OR3A3: variants seen among roughly 807,000 people sequenced by gnomAD.
OR3A3 encodes olfactory receptor 3A3.
For missense variants in OR3A3, 275 were observed against 391.4 expected, an observed-to-expected ratio of 0.70 and a Z score of 2.51; for synonymous variants, 103 against 163.9, an observed-to-expected ratio of 0.63 and a Z score of 2.84.
At chr17:3,412,675 G>A (rs539621834) in intron 2 of OR3A3, among the ~76,000 whole-genome samples, 57 of 151,460 alleles carry the variant, frequency 3.8e-4, no homozygotes, top group African/African-American at 1.3e-3. Flanking sequence ...ATCTCTAGCT[G>A]TCTGAGGGTT....
intron 2 of OR3A3, among the ~76,000 whole-genome samples, chr17:3,419,772 C>T (rs1425482493): frequency 3.9e-5 from 5 of 129,230 alleles, no homozygotes; most frequent in Non-Finnish European, 6.3e-5. Context: ...CTCACTCTGT[C>T]GCCCAGGCTG....
intron 2 of OR3A3, among the ~76,000 whole-genome samples, chr17:3,417,064 C>G (rs1567583461): frequency 1.3e-5 from 2 of 151,750 alleles, no homozygotes. Context: ...TTTATTTTCT[C>G]CCTGTCAATT....
exon 3 of OR3A3, chr17:3,421,515 G>A (rs756036475): frequency 1.3e-6 from 2 of 1,531,352 alleles, no homozygotes; most frequent in Non-Finnish European, 8.8e-7. Flanking sequence ...TACTTGTGGG[G>A]AAGCGATCAC....
intron 2 of OR3A3, among the ~76,000 whole-genome samples, chr17:3,417,406 T>G (rs1308363190): frequency 6.6e-6 from 1 of 152,172 alleles, no homozygotes; most frequent in African/African-American, 2.4e-5. Flanking sequence ...CCTCTTAACT[T>G]TATTAGATTT....
chr17:3,413,632 G>A (rs1277679757), intron 2 of OR3A3, among the ~76,000 whole-genome samples: 1 of 151,968 alleles, frequency 6.6e-6, no homozygotes, highest in Non-Finnish European at 1.5e-5. Context: ...GGTCAACATG[G>A]TGAAACCCTG....
intron 2 of OR3A3, among the ~76,000 whole-genome samples, chr17:3,414,914 TA>T (rs1426935905): frequency 9.8e-5 from 9 of 91,668 alleles, no homozygotes; most frequent in East Asian, 7.1e-4. Flanking sequence ...ATTAAAAAAA[TA>T]ATATAGGTAA....
intron 2 of OR3A3, among the ~76,000 whole-genome samples, chr17:3,412,942 C>T (rs527403689): frequency 6.6e-6 from 1 of 152,334 alleles, no homozygotes; most frequent in East Asian, 1.9e-4. Context: ...GGAAAGTCTT[C>T]CATGACAACT....
exon 3 of OR3A3, chr17:3,424,005 A>G (rs1169627796): frequency 6.6e-6 from 1 of 151,732 alleles, no homozygotes; most frequent in Non-Finnish European, 1.5e-5. Context: ...GATTTCCTAT[A>G]TATATGATAT....
At chr17:3,419,664 T>G (rs1006489970) in intron 2 of OR3A3, among the ~76,000 whole-genome samples, 2 of 151,970 alleles carry the variant, frequency 1.3e-5, no homozygotes, top group Non-Finnish European at 2.9e-5. Flanking sequence ...TAAAAATAAA[T>G]TATTAAAATG....
At chr17:3,412,994 C>T (rs1272213705) in intron 2 of OR3A3, among the ~76,000 whole-genome samples, 1 of 152,162 alleles carries the variant, frequency 6.6e-6, no homozygotes, top group Non-Finnish European at 1.5e-5. Flanking sequence ...ATTGTACGAA[C>T]GTTAGAACAA....
At chr17:3,422,539 G>A (rs2072441934) in exon 3 of OR3A3, 1 of 152,176 alleles carries the variant, frequency 6.6e-6, no homozygotes, top group Non-Finnish European at 1.5e-5. Context: ...TGCAGTCCCT[G>A]GGAGTGACAC....
chr17:3,415,896 C>G (rs530071081), intron 2 of OR3A3, among the ~76,000 whole-genome samples: 1 of 150,034 alleles, frequency 6.7e-6, no homozygotes, highest in Non-Finnish European at 1.5e-5. Flanking sequence ...ACAACCTCCA[C>G]CTCCTAGGTT....
At chr17:3,417,195 T>C (rs1181819624) in intron 2 of OR3A3, among the ~76,000 whole-genome samples, 1 of 152,162 alleles carries the variant, frequency 6.6e-6, no homozygotes, top group Non-Finnish European at 1.5e-5. Flanking sequence ...CTTTTGTTTG[T>C]CTATTTTCTA....
At chr17:3,421,358 G>A in exon 3 of OR3A3, 1 of 1,614,188 alleles carries the variant, frequency 6.2e-7, no homozygotes, top group African/African-American at 1.3e-5. Flanking sequence ...TATGGGACAG[G>A]TGTCTTCAGC....
At chr17:3,423,884 G>A (rs2072453225) in exon 3 of OR3A3, 1 of 149,422 alleles carries the variant, frequency 6.7e-6, no homozygotes, top group Non-Finnish European at 1.5e-5. Context: ...AGTGAGCTGA[G>A]ATAGCGCCAC....
At chr17:3,419,469 G>C (rs988310994) in intron 2 of OR3A3, among the ~76,000 whole-genome samples, 4 of 152,130 alleles carry the variant, frequency 2.6e-5, no homozygotes, top group Non-Finnish European at 4.4e-5. Context: ...TCTGTGTCTA[G>C]TTTATTTCAC....
intron 2 of OR3A3, among the ~76,000 whole-genome samples, chr17:3,418,149 T>G (rs1336044627): frequency 6.6e-6 from 1 of 152,216 alleles, no homozygotes; most frequent in Non-Finnish European, 1.5e-5. Flanking sequence ...ATTCAGTAGC[T>G]CTATGCCACA....
chr17:3,419,187 C>T (rs1203385908), intron 2 of OR3A3, among the ~76,000 whole-genome samples: 1 of 152,214 alleles, frequency 6.6e-6, no homozygotes, highest in African/African-American at 2.4e-5. Flanking sequence ...ATTGACACTT[C>T]ATAGTGTGGT....
chr17:3,421,766 G>T, exon 3 of OR3A3: 1 of 442,190 alleles, frequency 2.3e-6, no homozygotes, highest in Non-Finnish European at 3.9e-6. Flanking sequence ...TGAGCAAAAT[G>T]GACAAAAGTC....
Sources: gnomAD v4.1 joint callset for allele counts (sites outside exome capture counted in the v4.1 genomes callset) on GRCh38, gnomAD v4.1.1 for gene constraint, MANE v1.5 for transcripts, NCBI Gene and HGNC (gene_info 2026-07-23, HGNC 2026-07-21) for gene names.